TNR: variants seen among roughly 807,000 people sequenced by gnomAD.
The protein encoded by TNR is tenascin R.
In TNR, 45 loss-of-function variants were observed where a neutral mutation model predicts 150.4. The observed-to-expected ratio is 0.30, with a 90% CI of 0.24 to 0.38. The LOEUF is 0.38. Among genes scored for constraint, TNR ranks in the 10% least tolerant of loss-of-function variants. The probability of loss-of-function intolerance (pLI) is 1.00; values close to 1 mark genes in which losing one functional copy is unlikely to be tolerated. For synonymous variants in TNR, 687 were observed against 678.4 expected, an observed-to-expected ratio of 1.01 and a Z score of -0.20; for missense variants, 1,544 against 1,759.1, an observed-to-expected ratio of 0.88 and a Z score of 2.19.
chr1:175,366,602 G>A (rs980015691), intron 10 of TNR, among the ~76,000 whole-genome samples: 1 of 152,188 alleles, frequency 6.6e-6, no homozygotes, highest in African/African-American at 2.4e-5. Flanking sequence ...GGAGACTTTT[G>A]TCCATGTGGT....
intron 1 of TNR, among the ~76,000 whole-genome samples, chr1:175,630,819 A>AC (rs1482306811): frequency 6.6e-6 from 1 of 151,922 alleles, no homozygotes; most frequent in Non-Finnish European, 1.5e-5. Context: ...TGCTTGCAAA[A>AC]AAAAAGGAAG....
intron 1 of TNR, among the ~76,000 whole-genome samples, chr1:175,564,187 A>G (rs530918916): frequency 2.6e-5 from 4 of 152,356 alleles, no homozygotes; most frequent in Admixed American, 1.3e-4. Flanking sequence ...GGCACTTGGC[A>G]GCTTATGGAA....
intron 1 of TNR, among the ~76,000 whole-genome samples, chr1:175,636,177 T>C (rs1484132682): frequency 1.3e-5 from 2 of 152,200 alleles, no homozygotes; most frequent in East Asian, 1.9e-4. Context: ...GAGATTAGCA[T>C]TGGTCACCTT....
At chr1:175,339,496 T>C (rs1442229614) in intron 18 of TNR, among the ~76,000 whole-genome samples, 1 of 152,202 alleles carries the variant, frequency 6.6e-6, no homozygotes, top group African/African-American at 2.4e-5. Flanking sequence ...GAGACAGGTG[T>C]GAGCTGTCTC....
At chr1:175,484,443 TTCCACTCTTTCCTTTTGCAG>T (rs1175716686) in intron 2 of TNR, among the ~76,000 whole-genome samples, 44 of 152,138 alleles carry the variant, frequency 2.9e-4, no homozygotes, top group Admixed American at 4.6e-4. Flanking sequence ...TCCCTTACCT[TTCCACTCTTTCCTTTTGCAG>T]TCCACTCTTT....
chr1:175,348,535 A>G (rs1650905426), intron 18 of TNR, among the ~76,000 whole-genome samples: 3 of 152,330 alleles, frequency 2.0e-5, no homozygotes, highest in African/African-American at 7.2e-5. Context: ...AGTTATAGCT[A>G]TAAAAGCACA....
rs1557867600 is a variant in TNR, at chr1:175,331,050, T to TTTCTTTCTTTCTTTCTTTCTTTCCTTC, written c.3632-816_3632-815insGAAGGAAAGAAAGAAAGAAAGAAAGAA. On this transcript the variant is annotated intron_variant, in intron 20 of 22. Transcript: ENST00000367674. ...CTTTCTTTCTTTCTTTCTTTCTTTC[T>TTTCTTTCTTTCTTTCTTTCTTTCCTTC]TTCTTTCTTTCTTTCTTTCTTTCTT... 2.3e-4 allele frequency among the ~76,000 whole-genome samples: 22 copies of TTTCTTTCTTTCTTTCTTTCTTTCCTTC among 95,808 alleles called. 1 individual carries two copies. In the East Asian group the frequency reaches 4.7e-3, roughly 20 times the overall value. 62.9% of individuals were successfully genotyped at this position (95,808 alleles called of 152,430 possible). A position where few individuals can be genotyped will look rare whatever the true frequency, so the allele number is the denominator to read the frequency against.
chr1:175,687,527 CCTTTT>C (rs578031935), intron 1 of TNR, among the ~76,000 whole-genome samples: 43 of 152,178 alleles, frequency 2.8e-4, no homozygotes, highest in Non-Finnish European at 5.6e-4. Flanking sequence ...CCCTTCCTTT[CCTTTT>C]CTTTCTCCCA....
chr1:175,621,014 C>G (rs776407443), intron 1 of TNR, among the ~76,000 whole-genome samples: 2 of 152,158 alleles, frequency 1.3e-5, no homozygotes, highest in Admixed American at 1.3e-4. Flanking sequence ...ATTCTAAATG[C>G]GAAATGCTAT....
intron 1 of TNR, among the ~76,000 whole-genome samples, chr1:175,555,461 G>A (rs902899270): frequency 5.4e-5 from 8 of 149,420 alleles, no homozygotes; most frequent in African/African-American, 1.7e-4. Flanking sequence ...TGTGTGGCTC[G>A]CCCACACTGC....
intron 2 of TNR, among the ~76,000 whole-genome samples, chr1:175,413,631 A>G (rs1013143678): frequency 1.3e-5 from 2 of 152,026 alleles, no homozygotes; most frequent in Admixed American, 6.6e-5. Flanking sequence ...TAGAATGAGT[A>G]AGAGTCCAGG....
chr1:175,410,759 T>A (rs993762291), intron 2 of TNR, among the ~76,000 whole-genome samples: 1 of 152,200 alleles, frequency 6.6e-6, no homozygotes, highest in Non-Finnish European at 1.5e-5. Flanking sequence ...GAGTTCAAGA[T>A]GGTGGCTGCT....
At chr1:175,417,591 C>T (rs1012029739) in intron 2 of TNR, among the ~76,000 whole-genome samples, 1 of 152,054 alleles carries the variant, frequency 6.6e-6, no homozygotes. Flanking sequence ...TAAACATGGG[C>T]TCAGAACTTC....
chr1:175,731,811 T>C (rs1464124587), intron 1 of TNR, among the ~76,000 whole-genome samples: 3 of 152,194 alleles, frequency 2.0e-5, no homozygotes, highest in African/African-American at 7.2e-5. Flanking sequence ...CCGCTCAGCA[T>C]CTGATGCAAA....
At chr1:175,451,226 A>T (rs28495080) in intron 2 of TNR, among the ~76,000 whole-genome samples, 30,405 of 142,708 alleles carry the variant, frequency 0.21, 3,537 homozygotes, top group East Asian at 0.44. Context: ...TAATGTTTTT[A>T]TTTTTTTATT....
At chr1:175,731,239 C>A (rs1185599040) in intron 1 of TNR, among the ~76,000 whole-genome samples, 1 of 152,112 alleles carries the variant, frequency 6.6e-6, no homozygotes. Flanking sequence ...ACAAAAGGAA[C>A]CATAAATGGT....
chr1:175,594,650 T>C (rs1437796076), intron 1 of TNR, among the ~76,000 whole-genome samples: 1 of 151,710 alleles, frequency 6.6e-6, no homozygotes, highest in Non-Finnish European at 1.5e-5. Context: ...AGCCCAGGAG[T>C]TTGAGACCAG....
chr1:175,501,639 G>A lies in TNR; in HGVS notation c.-64+26630C>T, dbSNP rs541906013. Among the ~76,000 whole-genome samples the A allele has an allele frequency of 1.2e-4, 19 of 152,188 alleles. No homozygotes were observed. In the South Asian group the frequency reaches 2.7e-3, roughly 22 times the overall value. On this transcript the variant is annotated intron_variant, in intron 2 of 22. Coordinates refer to ENST00000367674, the MANE Select transcript of TNR (RefSeq NM_003285.3). The stretch of plus-strand genomic sequence containing the variant: ...TCACACAGCAGTAGAAGACAAATAC[G>A]GCCAGCTAAAGACAGCAAATCAGTG...
At chr1:175,727,910 T>A (rs1298574149) in intron 1 of TNR, among the ~76,000 whole-genome samples, 1 of 152,112 alleles carries the variant, frequency 6.6e-6, no homozygotes, top group Non-Finnish European at 1.5e-5. Flanking sequence ...GAAATAAAAT[T>A]GTGGAGGCAG....
Sources: gnomAD v4.1 joint callset for allele counts (sites outside exome capture counted in the v4.1 genomes callset) on GRCh38, gnomAD v4.1.1 for gene constraint, MANE v1.5 for transcripts, NCBI Gene and HGNC (gene_info 2026-07-23, HGNC 2026-07-21) for gene names.